PALM2AKAP2: variants seen among roughly 807,000 people sequenced by gnomAD.
PALM2AKAP2 encodes PALM2 and AKAP2 fusion.
PALM2AKAP2 carries 37 observed loss-of-function variants against 71.5 expected under a neutral mutation model. The ratio of observed to expected loss-of-function variants is 0.52; its 90% CI spans 0.40 to 0.68. PALM2AKAP2 has a LOEUF of 0.68. PALM2AKAP2 is among the 30% of genes least tolerant of loss of function. The pLI, the probability that PALM2AKAP2 is intolerant of heterozygous loss-of-function variation, is 0.00. For synonymous variants in PALM2AKAP2, 468 were observed against 478.8 expected (o/e 0.98, Z 0.29); for missense variants, 1,224 against 1,191.8 (o/e 1.03, Z -0.40).
intron 2 of PALM2AKAP2, among the ~76,000 whole-genome samples, chr9:109,875,196 G>A (rs924795618): frequency 6.6e-6 from 1 of 152,120 alleles, no homozygotes. Flanking sequence ...CCACCAGGCT[G>A]GTACATTTGC....
At chr9:109,847,463 T>A (rs1161191585) in intron 1 of PALM2AKAP2, among the ~76,000 whole-genome samples, 1 of 152,150 alleles carries the variant, frequency 6.6e-6, no homozygotes, top group Non-Finnish European at 1.5e-5. Flanking sequence ...TTGTTTTCGA[T>A]GGGCGTGATG....
intron 1 of PALM2AKAP2, among the ~76,000 whole-genome samples, chr9:110,077,331 T>G (rs960060265): frequency 6.6e-6 from 1 of 152,212 alleles, no homozygotes; most frequent in Non-Finnish European, 1.5e-5. Flanking sequence ...CAAGTACACA[T>G]TCAGTGATAG....
At chr9:109,842,711 C>T (rs993438954) in intron 1 of PALM2AKAP2, among the ~76,000 whole-genome samples, 14 of 152,036 alleles carry the variant, frequency 9.2e-5, no homozygotes, top group African/African-American at 3.4e-4. Context: ...AGAAGTCGGC[C>T]CAAGAAGTTC....
At chr9:109,680,899 A>C (rs946626796) in intron 1 of PALM2AKAP2, among the ~76,000 whole-genome samples, 3 of 152,186 alleles carry the variant, frequency 2.0e-5, no homozygotes, top group African/African-American at 7.2e-5. Context: ...TAAATATATA[A>C]TTTTTTACTA....
At chr9:110,013,246 T>G (rs1832917163) in intron 6 of PALM2AKAP2, among the ~76,000 whole-genome samples, 1 of 152,154 alleles carries the variant, frequency 6.6e-6, no homozygotes, top group Non-Finnish European at 1.5e-5. Context: ...CCCTCTAACA[T>G]CCCTTTGGCC....
chr9:110,127,311 G>T (rs999015255), intron 1 of PALM2AKAP2, among the ~76,000 whole-genome samples: 2 of 152,138 alleles, frequency 1.3e-5, no homozygotes, highest in African/African-American at 4.8e-5. Context: ...GAGCCTGCCG[G>T]GTCCAAATTT....
At position 109,816,410 on chromosome 9, in the gene PALM2AKAP2, A is replaced by G. The variant is rs868060061; in HGVS notation, c.45+35877A>G. 4.8e-4 allele frequency among the ~76,000 whole-genome samples: 73 copies of G among 152,332 alleles called. 1 individual carries two copies. In the Middle Eastern group the frequency reaches 0.027, roughly 57 times the overall value. ...TGGGATAAGATAGAGGAAGCTGGAG[A>G]TTAGAAGATTTGAAAAGACCCAAGA... On this transcript the variant is annotated intron_variant, in intron 1 of 9. Coordinates refer to the PALM2AKAP2 transcript ENST00000302798.
chr9:110,029,349 T>C (rs1348653368), intron 7 of PALM2AKAP2, among the ~76,000 whole-genome samples: 1 of 152,234 alleles, frequency 6.6e-6, no homozygotes, highest in Non-Finnish European at 1.5e-5. Context: ...ATTTTTAAAA[T>C]GTTGATGAAA....
chr9:110,077,320 GC>G lies in PALM2AKAP2; in HGVS notation c.156+28466del, dbSNP rs375402342. ...CCTTTAGCATGTTACTTGGCACATT[GC>G]AAGTACACATTCAGTGATAGCTTTC... On this transcript the variant is annotated intron_variant, in intron 1 of 3. Coordinates refer to ENST00000374525, the Ensembl canonical transcript of PALM2AKAP2. Among the ~76,000 whole-genome samples the G allele has an allele frequency of 4.6e-5, 7 of 152,316 alleles. No individual in the cohort carries two copies. In the South Asian group the frequency reaches 1.5e-3, roughly 32 times the overall value.
chr9:109,640,879 G>T, intron 1 of PALM2AKAP2: 1 of 1,515,926 alleles, frequency 6.6e-7, no homozygotes, highest in East Asian at 2.6e-5. Flanking sequence ...GAGTATCCCC[G>T]AGCCGCGCCG....
intron 6 of PALM2AKAP2, among the ~76,000 whole-genome samples, chr9:109,960,254 GC>G: frequency 1.3e-5 from 2 of 151,982 alleles, no homozygotes; most frequent in Non-Finnish European, 2.9e-5. Flanking sequence ...ATCTCATACT[GC>G]CCCCTGCACC....
At chr9:109,829,187 G>C (rs1030588429) in intron 1 of PALM2AKAP2, among the ~76,000 whole-genome samples, 1 of 152,174 alleles carries the variant, frequency 6.6e-6, no homozygotes, top group Non-Finnish European at 1.5e-5. Flanking sequence ...TGCATAGGCT[G>C]TCTCTCCCTG....
intron 1 of PALM2AKAP2, among the ~76,000 whole-genome samples, chr9:109,732,745 G>C (rs1828575226): frequency 6.6e-6 from 1 of 152,168 alleles, no homozygotes. Context: ...AGTCAGGGGA[G>C]GGGTTAGAGA....
intron 6 of PALM2AKAP2, among the ~76,000 whole-genome samples, chr9:109,954,658 TAAAAAAAAAA>T (rs56743395): frequency 3.7e-5 from 4 of 107,940 alleles, no homozygotes; most frequent in African/African-American, 1.1e-4. Flanking sequence ...TAAAGTATAA[TAAAAAAAAAA>T]AAAAAAAAAA....
chr9:109,684,266 C>T (rs1437337306), intron 1 of PALM2AKAP2, among the ~76,000 whole-genome samples: 1 of 152,192 alleles, frequency 6.6e-6, no homozygotes, highest in Non-Finnish European at 1.5e-5. Context: ...TTGAGAAACT[C>T]TCTTCCTGCA....
chr9:110,012,860 T>C (rs1472602030), intron 6 of PALM2AKAP2, among the ~76,000 whole-genome samples: 1 of 152,192 alleles, frequency 6.6e-6, no homozygotes, highest in Non-Finnish European at 1.5e-5. Flanking sequence ...ATAGAGATGA[T>C]AGAGATGAAA....
intron 6 of PALM2AKAP2, among the ~76,000 whole-genome samples, chr9:109,981,495 C>T (rs1292872616): frequency 3.3e-5 from 5 of 152,170 alleles, no homozygotes; most frequent in African/African-American, 7.2e-5. Flanking sequence ...TGGTCCCCAT[C>T]GCCCACAAAG....
chr9:109,724,153 A>T (rs1828443150), intron 1 of PALM2AKAP2, among the ~76,000 whole-genome samples: 1 of 152,206 alleles, frequency 6.6e-6, no homozygotes. Flanking sequence ...AATAGCAATA[A>T]AAATTTAAAA....
chr9:109,820,880 A>G (rs917401374), intron 1 of PALM2AKAP2, among the ~76,000 whole-genome samples: 1 of 152,220 alleles, frequency 6.6e-6, no homozygotes, highest in African/African-American at 2.4e-5. Flanking sequence ...GTCCTGGGGC[A>G]GCCATGGAAG....
Sources: gnomAD v4.1 joint callset for allele counts (sites outside exome capture counted in the v4.1 genomes callset) on GRCh38, gnomAD v4.1.1 for gene constraint, MANE v1.5 for transcripts, NCBI Gene and HGNC (gene_info 2026-07-23, HGNC 2026-07-21) for gene names.